RIMKLB: variants seen among roughly 807,000 people sequenced by gnomAD.
RIMKLB encodes ribosomal modification protein rimK like family member B, also known as beta-citrylglutamate synthase B.
In RIMKLB, 7 loss-of-function variants were observed where a neutral mutation model predicts 32.0. The observed-to-expected ratio is 0.22, with a 90% CI of 0.12 to 0.41. The LOEUF is 0.41. Among genes scored for constraint, RIMKLB ranks in the 10% least tolerant of loss-of-function variants. RIMKLB has a pLI of 1.00. For missense variants in RIMKLB, 289 were observed against 498.7 expected, an observed-to-expected ratio of 0.58 and a Z score of 4.00; for synonymous variants, 172 against 185.1, an observed-to-expected ratio of 0.93 and a Z score of 0.57.
chr12:8,694,387 A>ATTTTTTTTTTTTTTTTTTTT (rs769859426), upstream of RIMKLB, among the ~76,000 whole-genome samples: 1 of 119,078 alleles, frequency 8.4e-6, no homozygotes, highest in African/African-American at 3.3e-5. Context: ...ATCCTGTTGA[A>ATTTTTTTTTTTTTTTTTTTT]TTTTTTTTCT....
chr12:8,743,154 G>C (rs1947730816), intron 2 of RIMKLB: 1 of 151,828 alleles, frequency 6.6e-6, no homozygotes, highest in Non-Finnish European at 1.5e-5. Flanking sequence ...AGGAGTTGGA[G>C]ACCAGCCTGG....
At chr12:8,761,401 TC>T (rs1312825395) in intron 5 of RIMKLB, among the ~76,000 whole-genome samples, 1 of 152,074 alleles carries the variant, frequency 6.6e-6, no homozygotes, top group Admixed American at 6.6e-5. Flanking sequence ...TTTATTTAGA[TC>T]TTTTTTTGTT....
At chr12:8,699,652 A>C (rs780455576) in intron 1 of RIMKLB, 3 of 151,874 alleles carry the variant, frequency 2.0e-5, no homozygotes, top group Admixed American at 2.0e-4. Flanking sequence ...ATTCTTTTCT[A>C]TCTTGGTTAG....
chr12:8,707,082 CT>C (rs1476144672), intron 1 of RIMKLB, among the ~76,000 whole-genome samples: 1 of 152,170 alleles, frequency 6.6e-6, no homozygotes, highest in Non-Finnish European at 1.5e-5. Context: ...TTTTCCTGTT[CT>C]TTCAGCAACA....
At chr12:8,732,202 T>G (rs1258811888) in intron 2 of RIMKLB, among the ~76,000 whole-genome samples, 1 of 152,156 alleles carries the variant, frequency 6.6e-6, no homozygotes, top group South Asian at 2.1e-4. Context: ...GTCTGTATAA[T>G]GTGAGGCTGT....
At chr12:8,700,584 AAG>A (rs976343401) in intron 1 of RIMKLB, 3 of 152,204 alleles carry the variant, frequency 2.0e-5, no homozygotes, top group South Asian at 2.1e-4. Context: ...ACAACATGTG[AAG>A]AGAGAGAACC....
At chr12:8,761,532 C>T (rs570452062) in intron 5 of RIMKLB, among the ~76,000 whole-genome samples, 1 of 152,122 alleles carries the variant, frequency 6.6e-6, no homozygotes, top group Admixed American at 6.5e-5. Flanking sequence ...TGCCCCTCCC[C>T]CTGTGCTCTT....
intron 1 of RIMKLB, among the ~76,000 whole-genome samples, chr12:8,701,334 C>T (rs1483134691): frequency 2.0e-5 from 3 of 152,058 alleles, no homozygotes; most frequent in Non-Finnish European, 4.4e-5. Context: ...CCATATGTAT[C>T]TGTGTACATG....
At chr12:8,743,836 C>T (rs753157506) in intron 2 of RIMKLB, among the ~76,000 whole-genome samples, 3 of 151,898 alleles carry the variant, frequency 2.0e-5, no homozygotes, top group East Asian at 3.9e-4. Context: ...TACACTGATC[C>T]GAAACTTATA....
chr12:8,737,720 CTTTTT>C (rs1166456911), intron 2 of RIMKLB, among the ~76,000 whole-genome samples: 1 of 151,920 alleles, frequency 6.6e-6, no homozygotes, highest in African/African-American at 2.4e-5. Context: ...CTCTCTCTCT[CTTTTT>C]TATTTTGGAG....
At chr12:8,671,169 T>C in the RIMKLB span, among the ~76,000 whole-genome samples, 1 of 152,180 alleles carries the variant, frequency 6.6e-6, no homozygotes, top group Non-Finnish European at 1.5e-5. Flanking sequence ...CCCATGGTCT[T>C]GGGGCTTATA....
At chr12:8,781,740 C>T (rs1340274241), downstream of RIMKLB, among the ~76,000 whole-genome samples, 1 of 152,166 alleles carries the variant, frequency 6.6e-6, no homozygotes, top group Non-Finnish European at 1.5e-5. Context: ...CTCTTCCTCC[C>T]TCTCTCCCCA....
intron 2 of RIMKLB, among the ~76,000 whole-genome samples, chr12:8,748,119 C>T (rs1165370279): frequency 6.6e-6 from 1 of 152,138 alleles, no homozygotes; most frequent in Non-Finnish European, 1.5e-5. Context: ...AGGGAAAATA[C>T]ATACTAATAA....
intron 2 of RIMKLB, among the ~76,000 whole-genome samples, chr12:8,741,986 C>G (rs891592114): frequency 6.6e-6 from 1 of 150,814 alleles, no homozygotes; most frequent in Non-Finnish European, 1.5e-5. Flanking sequence ...CTGCAACTTC[C>G]GCCTCCCAGG....
rs867746907 is a variant in RIMKLB at position 8,762,797 on chromosome 12, C to G, written c.697+8704C>G. On this transcript the variant is annotated intron_variant, in intron 5 of 5. Transcript: ENST00000535829. ...TCCATTATCACTGAGCACTGCGTAC[C>G]CTGCTTTTCGAAGTCCTTTTTCTAC... is the stretch of plus-strand genomic sequence containing the variant. 2.0e-5 allele frequency among the ~76,000 whole-genome samples: 3 copies of G among 152,156 alleles called. No individual in the cohort carries two copies. The South Asian group carries it at 6.2e-4, about 32-fold the overall frequency.
At chr12:8,683,447 C>T (rs1942472855) in intron 1 of RIMKLB, among the ~76,000 whole-genome samples, 1 of 152,114 alleles carries the variant, frequency 6.6e-6, no homozygotes, top group South Asian at 2.1e-4. Flanking sequence ...TGAATTTTGG[C>T]CAATCTAATA....
At chr12:8,726,879 T>G (rs553516549) in intron 2 of RIMKLB, among the ~76,000 whole-genome samples, 48 of 152,154 alleles carry the variant, frequency 3.2e-4, no homozygotes, top group Non-Finnish European at 6.3e-4. Flanking sequence ...CCTGTTTTTC[T>G]TATTTTTGTC....
chr12:8,720,795 T>A (rs1269532404), intron 2 of RIMKLB, among the ~76,000 whole-genome samples: 1 of 152,098 alleles, frequency 6.6e-6, no homozygotes, highest in Non-Finnish European at 1.5e-5. Context: ...CCCCCTCGGC[T>A]TCCCAAAGTG....
At chr12:8,779,003 ATC>A (rs767251801), downstream of RIMKLB, 11 of 152,222 alleles carry the variant, frequency 7.2e-5, no homozygotes, top group Non-Finnish European at 1.5e-5. Context: ...AAAAATATTT[ATC>A]TGTTGAATTG....
Sources: allele counts gnomAD v4.1 joint callset (sites outside exome capture counted in the v4.1 genomes callset), GRCh38; gene constraint gnomAD v4.1.1; transcripts MANE v1.5; gene names NCBI Gene and HGNC (gene_info 2026-07-23, HGNC 2026-07-21).